Variants in ZNF224 observed in about 807,000 individuals in gnomAD.
ZNF224 encodes the protein zinc finger protein 224.
ZNF224 carries 8 observed loss-of-function variants against 10.5 expected under a neutral mutation model. The observed-to-expected ratio is 0.76, with a 90% confidence interval of 0.45 to 1.37. The LOEUF (loss-of-function observed/expected upper bound fraction) is 1.37, where lower values mean the gene tolerates loss of function less well. Ranked by LOEUF, ZNF224 falls within the 40% of genes most tolerant of loss-of-function variation. The pLI is 0.00. For missense variants in ZNF224, 754 were observed against 854.0 expected, an observed-to-expected ratio of 0.88 and a Z score of 1.46; for synonymous variants, 282 against 287.8, an observed-to-expected ratio of 0.98 and a Z score of 0.20.
intron 5 of ZNF224, among the ~76,000 whole-genome samples, chr19:44,104,296 C>T (rs1201083787): frequency 6.6e-6 from 1 of 151,626 alleles, no homozygotes; most frequent in Admixed American, 6.6e-5. Context: ...TATAAACACT[C>T]CTAGGCCTTT....
intron 3 of ZNF224, among the ~76,000 whole-genome samples, chr19:44,100,422 A>G (rs977319635): frequency 5.3e-5 from 8 of 152,230 alleles, no homozygotes; most frequent in Non-Finnish European, 1.2e-4. Flanking sequence ...TGAGAGAGGA[A>G]GACAATGGGC....
At chr19:44,103,647 A>G (rs1289471764) in intron 5 of ZNF224, among the ~76,000 whole-genome samples, 3 of 152,164 alleles carry the variant, frequency 2.0e-5, no homozygotes, top group Admixed American at 2.0e-4. Context: ...AATAAGTATA[A>G]AGGAGTATTT....
chr19:44,101,269 T>A (rs1320293517), intron 5 of ZNF224, 44 bp downstream of exon 5: 1 of 1,582,060 alleles, frequency 6.3e-7, no homozygotes, highest in Non-Finnish European at 8.7e-7. Flanking sequence ...CTCTTCCACC[T>A]GTTTCACTTC....
rs1306644097 is a variant in ZNF224 at position 44,106,642 on chromosome 19, C to T, written c.482C>T (p.Ser161Phe). 6.3e-7 allele frequency: 1 copy of T among 1,595,648 alleles called. No homozygotes were observed. Among genetic ancestry groups the T allele is most frequent in the East Asian group, 2.2e-5 (1 of 44,768 alleles). The change falls in exon 6 of 6, where the codon TCC (serine) becomes TTC (phenylalanine). Residue 161 changes from serine to phenylalanine, a missense_variant. Ser to Phe is a radical substitution (Grantham distance 155). Coordinates refer to ENST00000693561, the MANE Select transcript of ZNF224 (RefSeq NM_001321645.3). ...NGYKPSFSDV[S>F]HFDFHQQLHS... ...TATAAACCATCCTTCAGTGATGTCT[C>T]CCACTTTGATTTTCATCAACAATTA...
chr19:44,104,810 C>T (rs4803677), intron 5 of ZNF224, among the ~76,000 whole-genome samples: 127,901 of 151,968 alleles, frequency 0.84, 54,062 homozygotes, highest in Non-Finnish European at 0.87. Context: ...TACAGGCGCC[C>T]GCCACCATGT....
At chr19:44,097,714 T>G in intron 2 of ZNF224, 92 bp from the exon 3 acceptor site, 1 of 720,484 alleles carries the variant, frequency 1.4e-6, no homozygotes, top group Non-Finnish European at 2.4e-6. Context: ...TGAACAGTCA[T>G]GTGCCAATTC....
rs1967752774 is a variant in ZNF224, at chr19:44,108,400, A to G, written c.*116A>G. The G allele has an allele frequency of 9.4e-7, 1 of 1,069,188 alleles. No homozygotes were observed. Among genetic ancestry groups the G allele is most frequent in the Non-Finnish European group, 1.3e-6 (1 of 757,044 alleles). 66.2% of individuals were successfully genotyped at this position (1,069,188 alleles called of 1,614,324 possible). A position where few individuals can be genotyped will look rare whatever the true frequency, so the allele number is the denominator to read the frequency against. On this transcript the variant is annotated 3_prime_UTR_variant, in exon 6 of 6. Transcript: ENST00000693561. ...GGCACATAGTAAGCACTTCCCTTTG[A>G]GTATTTTATCTCTGAATCCATGCTG... is the stretch of plus-strand genomic sequence containing the variant.
intron 3 of ZNF224, among the ~76,000 whole-genome samples, chr19:44,099,800 C>T (rs1326205811): frequency 6.6e-6 from 1 of 151,746 alleles, no homozygotes; most frequent in Non-Finnish European, 1.5e-5. Context: ...TAATGTATCC[C>T]CTTGAAAGAT....
chr19:44,097,974 A>C, intron 3 of ZNF224, 86 bp downstream of exon 3: 1 of 1,474,736 alleles, frequency 6.8e-7, no homozygotes, highest in East Asian at 2.3e-5. Flanking sequence ...GGGAAGACTC[A>C]AGGAGAAAAA....
chr19:44,108,345 T>C lies in ZNF224; in HGVS notation c.*61T>C. The C allele has an allele frequency of 6.7e-7, 1 of 1,502,622 alleles. No homozygotes were observed. The highest frequency in any genetic ancestry group is 8.9e-7 in the Non-Finnish European group (1 of 1,119,622). The allele number at this position is 1,502,622 out of a possible 1,614,324, so 93.1% of individuals were successfully genotyped here. ...TCATGAATGCAGTCTCATCTGAAAG[T>C]TCACAAAGGAGAGACACATTAAAAT... On this transcript the variant is annotated 3_prime_UTR_variant, in exon 6 of 6. Transcript: ENST00000693561.
Position 44,108,080 on chromosome 19 carries a change from A to G in ZNF224, c.1920A>G (p.Lys640=). 6.2e-7 allele frequency: 1 copy of G among 1,611,840 alleles called. No homozygotes were observed. The highest frequency in any genetic ancestry group is 1.3e-5 in the African/African-American group (1 of 74,930). Residue 640 remains lysine, a synonymous_variant, in exon 6 of 6, where the codon AAA becomes AAG. Transcript: ENST00000693561. ...GKNIVQNSFS[K]VQEKVHSVEK... ...ACATTGTACAGAATTCATTCTCTAA[A>G]GTGCAAGAAAAAGTTCACAGTGTAG...
chr19:44,097,223 G>T (rs1047337229), intron 2 of ZNF224: 1 of 158,742 alleles, frequency 6.3e-6, no homozygotes, highest in Admixed American at 6.4e-5. Context: ...CCTTAGAATT[G>T]ACTCTTAAGT....
intron 1 of ZNF224, 58 bp downstream of exon 1, chr19:44,094,588 G>A (rs1266486059): frequency 6.6e-6 from 1 of 152,530 alleles, no homozygotes; most frequent in Non-Finnish European, 1.5e-5. Flanking sequence ...TCTTGGGCTT[G>A]GGTCTGTCCT....
Position 44,108,216 on chromosome 19 carries a change from G to A in ZNF224, c.2056G>A (p.Asp686Asn). The change falls in exon 6 of 6, where the codon GAT (aspartate) becomes AAT (asparagine). Residue 686 changes from aspartate to asparagine, a missense_variant. Physicochemically the swap from Asp to Asn is conservative, Grantham distance 23. Coordinates refer to ENST00000693561, the MANE Select transcript of ZNF224 (RefSeq NM_001321645.3). ...GEKTWKCREC[D>N]MCFSQASSLR... ...GAAAACATGGAAGTGTAGGGAGTGT[G>A]ATATGTGCTTTAGTCAGGCCTCAAG... The A allele has an allele frequency of 4.3e-6, 7 of 1,614,208 alleles. No homozygotes were observed. Among genetic ancestry groups the A allele is most frequent in the Non-Finnish European group, 5.9e-6 (7 of 1,180,032 alleles).
Position 44,108,173 on chromosome 19 carries a change from G to A in ZNF224, c.2013G>A (p.Gln671=), listed in dbSNP as rs1267878986. 6.2e-7 allele frequency: 1 copy of A among 1,614,256 alleles called. No homozygotes were observed. Among genetic ancestry groups the A allele is most frequent in the Non-Finnish European group, 8.5e-7 (1 of 1,180,048 alleles). ...GGCGCTTGAATCTTGATATGCATCA[G>A]AGGGTCCACATGGGAGAGAAAACAT... The part of the protein sequence containing the change: ...YNRRLNLDMH[Q]RVHMGEKTWK... The change falls in exon 6 of 6, where the codon CAG becomes CAA. Residue 671 remains glutamine, a synonymous_variant. Transcript: ENST00000693561.
chr19:44,100,254 G>A (rs924465042), intron 3 of ZNF224, among the ~76,000 whole-genome samples: 4 of 152,188 alleles, frequency 2.6e-5, no homozygotes, highest in Non-Finnish European at 4.4e-5. Context: ...TCTGAGGCAC[G>A]CTGGCTGCAG....
chr19:44,099,164 A>C (rs1460489024), intron 3 of ZNF224, among the ~76,000 whole-genome samples: 1 of 152,158 alleles, frequency 6.6e-6, no homozygotes, highest in African/African-American at 2.4e-5. Flanking sequence ...TTGAGTGATG[A>C]TGTCCACAGG....
chr19:44,101,995 T>C (rs561493188), intron 5 of ZNF224, among the ~76,000 whole-genome samples: 9 of 152,212 alleles, frequency 5.9e-5, no homozygotes, highest in Non-Finnish European at 1.3e-4. Flanking sequence ...CAGGATGATC[T>C]TTCTGTTCTC....
At chr19:44,101,344 C>A in intron 5 of ZNF224, 119 bp downstream of exon 5, 1 of 994,372 alleles carries the variant, frequency 1.0e-6, no homozygotes, top group Non-Finnish European at 1.5e-6. Context: ...TTATTGACAA[C>A]CATCTTACAC....
Sources: gnomAD v4.1 joint callset for allele counts (sites outside exome capture counted in the v4.1 genomes callset) on GRCh38, gnomAD v4.1.1 for gene constraint, MANE v1.5 for transcripts, NCBI Gene and HGNC (gene_info 2026-07-23, HGNC 2026-07-21) for gene names.